The following SGIP1 variants were observed in gnomAD, a reference collection of about 807,000 sequenced individuals.
The protein encoded by SGIP1 is SH3GL interacting endocytic adaptor 1, also known as SH3-containing GRB2-like protein 3-interacting protein 1.
In SGIP1, 38 loss-of-function variants were observed where a neutral mutation model predicts 107.5. The ratio of observed to expected loss-of-function variants is 0.35; its 90% CI spans 0.27 to 0.46. The LOEUF is 0.46. Among genes scored for constraint, SGIP1 ranks in the 20% least tolerant of loss-of-function variants. The pLI is 1.00. For synonymous variants in SGIP1, 365 were observed against 366.1 expected, an observed-to-expected ratio of 1.00 and a Z score of 0.03; for missense variants, 929 against 1,019.5, an observed-to-expected ratio of 0.91 and a Z score of 1.21.
At chr1:66,631,073 AAGAAAG>A (rs1558136911) in intron 2 of SGIP1, among the ~76,000 whole-genome samples, 5 of 141,742 alleles carry the variant, frequency 3.5e-5, no homozygotes, top group Non-Finnish European at 1.6e-5. Flanking sequence ...GAAAGAAAGA[AAGAAAG>A]AAAGAAAGAA....
chr1:66,673,171 GCACA>G (rs1171240976), intron 11 of SGIP1, 106 bp from the exon 12 acceptor site: 47 of 1,060,446 alleles, frequency 4.4e-5, no homozygotes, highest in Admixed American at 1.0e-4. Flanking sequence ...ATGCACTGGT[GCACA>G]CACACACTTG....
intron 1 of SGIP1, among the ~76,000 whole-genome samples, chr1:66,544,375 T>A (rs950460104): frequency 6.6e-6 from 1 of 152,132 alleles, no homozygotes; most frequent in African/African-American, 2.4e-5. Context: ...TTCCCAAAGT[T>A]GAAATACAGG....
At chr1:66,558,422 C>T (rs1265949396) in intron 1 of SGIP1, among the ~76,000 whole-genome samples, 1 of 151,932 alleles carries the variant, frequency 6.6e-6, no homozygotes, top group African/African-American at 2.4e-5. Flanking sequence ...GAAGACTAAG[C>T]TAACCCACAA....
In SGIP1 at chr1:66,708,930, T is replaced by C. The variant is rs554621853; in HGVS notation, c.1631-10364T>C. Among the ~76,000 whole-genome samples the C allele has an allele frequency of 3.3e-5, 5 of 152,266 alleles. No individual in the cohort carries two copies. In the South Asian group the frequency reaches 1.0e-3, roughly 32 times the overall value. ...TACGCTATGAGAACTGACTTTCTTATTTATTTATGTATTTATTTTGGGCAT... is the reference window on the plus strand; with the variant it reads ...TACGCTATGAGAACTGACTTTCTTACTTATTTATGTATTTATTTTGGGCAT... On this transcript the variant is annotated intron_variant, in intron 18 of 24. Coordinates refer to ENST00000371037, the MANE Select transcript of SGIP1 (RefSeq NM_032291.4).
rs111579853 is a variant in SGIP1 at position 66,610,194 on chromosome 1, T to C, written c.11-15653T>C. On this transcript the variant is annotated intron_variant, in intron 1 of 24. Transcript: ENST00000371037. ...AGTGTAGAAGTAGATACAAAAACCA[T>C]ACTCAGAAAAACTAAAGCTACTCTA... is the stretch of plus-strand genomic sequence containing the variant. 9.4e-3 allele frequency among the ~76,000 whole-genome samples: 1,431 copies of C among 152,294 alleles called. 7 individuals carry two copies. Among genetic ancestry groups the C allele is most frequent in the Admixed American group, 0.02 (304 of 15,288 alleles).
chr1:66,660,591 A>T, intron 8 of SGIP1, 67 bp downstream of exon 8: 1 of 1,378,338 alleles, frequency 7.3e-7, no homozygotes, highest in Non-Finnish European at 1.0e-6. Flanking sequence ...CATTATCTGC[A>T]TATCTAATGA....
In SGIP1 at chr1:66,744,378, C is replaced by T. The variant is rs2094525525; in HGVS notation, c.*1283C>T. Reference sequence around the variant, plus strand: ...TAAAAACTGTAATTATTCAATCTGGCCCTGCCATATGAACATTTAGAAAGA... The same window carrying T: ...TAAAAACTGTAATTATTCAATCTGGTCCTGCCATATGAACATTTAGAAAGA... On this transcript the variant is annotated 3_prime_UTR_variant, in exon 25 of 25. Coordinates refer to ENST00000371037, the MANE Select transcript of SGIP1 (RefSeq NM_032291.4). 6.6e-6 allele frequency: 1 copy of T among 152,026 alleles called. No homozygotes were observed. The highest frequency in any genetic ancestry group is 1.9e-4 in the East Asian group (1 of 5,190). The allele number at this position is 152,026 out of a possible 1,614,324, so 9.4% of individuals were successfully genotyped here. A position where few individuals can be genotyped will look rare whatever the true frequency, so the allele number is the denominator to read the frequency against.
intron 19 of SGIP1, 71 bp downstream of exon 19, chr1:66,719,476 AC>A: frequency 8.4e-7 from 1 of 1,191,298 alleles, no homozygotes; most frequent in Non-Finnish European, 1.2e-6. Flanking sequence ...CCTAAATACA[AC>A]CTTTTCATTT....
At chr1:66,695,550 C>T (rs373580119) in intron 18 of SGIP1, 57 bp downstream of exon 18, 4 of 1,546,846 alleles carry the variant, frequency 2.6e-6, no homozygotes, top group South Asian at 2.3e-5. Context: ...TCCTTATTTC[C>T]CCATTTGCAT....
intron 13 of SGIP1, 145 bp downstream of exon 13, chr1:66,677,241 C>A (rs2085598561): frequency 1.6e-6 from 1 of 633,638 alleles, no homozygotes; most frequent in Non-Finnish European, 2.6e-6. Flanking sequence ...TTCTAACAGG[C>A]TTTCAAGTTA....
At chr1:66,605,010 A>G (rs145706030) in intron 1 of SGIP1, among the ~76,000 whole-genome samples, 224 of 152,282 alleles carry the variant, frequency 1.5e-3, no homozygotes, top group African/African-American at 5.1e-3. Context: ...CCTTATGTCT[A>G]GTCTTTGCTC....
rs1480181553 is a variant in SGIP1 at position 66,750,917 on chromosome 1, C to T, written c.*7822C>T. 6.6e-6 allele frequency among the ~76,000 whole-genome samples: 1 copy of T among 152,156 alleles called. No homozygotes were observed. Among genetic ancestry groups the T allele is most frequent in the Non-Finnish European group, 1.5e-5 (1 of 68,022 alleles). ...AGTTAGAAATAGTATGGATATCACT[C>T]TTTGTAAATAATAATTTTTGTAAAT... On this transcript the variant is annotated 3_prime_UTR_variant, in exon 25 of 25. Coordinates refer to ENST00000371037, the MANE Select transcript of SGIP1 (RefSeq NM_032291.4).
chr1:66,536,408 G>A (rs1349886701), intron 1 of SGIP1, among the ~76,000 whole-genome samples: 3 of 152,068 alleles, frequency 2.0e-5, no homozygotes, highest in South Asian at 4.2e-4. Context: ...TTAATAGTTC[G>A]GTGACCTTAG....
At chr1:66,644,526 G>A (rs1344505170) in intron 7 of SGIP1, among the ~76,000 whole-genome samples, 1 of 151,728 alleles carries the variant, frequency 6.6e-6, no homozygotes. Flanking sequence ...CTCTCAAACT[G>A]GCAGCTAATG....
intron 1 of SGIP1, among the ~76,000 whole-genome samples, chr1:66,549,238 C>A (rs1176250651): frequency 6.9e-6 from 1 of 145,140 alleles, no homozygotes; most frequent in African/African-American, 2.6e-5. Context: ...TTTCTTTTTT[C>A]TTCTTTTTTC....
chr1:66,667,270 A>G (rs558697265), intron 8 of SGIP1, among the ~76,000 whole-genome samples: 1 of 152,170 alleles, frequency 6.6e-6, no homozygotes, highest in South Asian at 2.1e-4. Context: ...CCTTGTTCTT[A>G]TGTACACATA....
rs2094523722 is a variant in SGIP1, at chr1:66,744,230, T to G, written c.*1135T>G. The stretch of plus-strand genomic sequence containing the variant: ...AAATGAAATTCTATTCACATTACTG[T>G]GTAATAAATTTCCTTTTGGATGATT... On this transcript the variant is annotated 3_prime_UTR_variant, in exon 25 of 25. Transcript: ENST00000371037. The G allele has an allele frequency of 6.6e-6, 1 of 152,220 alleles. No individual in the cohort carries two copies. Among genetic ancestry groups the G allele is most frequent in the Non-Finnish European group, 1.5e-5 (1 of 68,004 alleles). The allele number at this position is 152,220 out of a possible 1,614,324, so 9.4% of individuals were successfully genotyped here.
At chr1:66,667,186 C>CA (rs902704021) in intron 8 of SGIP1, among the ~76,000 whole-genome samples, 1 of 152,084 alleles carries the variant, frequency 6.6e-6, no homozygotes, top group Non-Finnish European at 1.5e-5. Flanking sequence ...AGTACCCCCC[C>CA]CCAAACTATC....
chr1:66,658,512 A>G (rs943017978), intron 7 of SGIP1, among the ~76,000 whole-genome samples: 1 of 152,176 alleles, frequency 6.6e-6, no homozygotes, highest in African/African-American at 2.4e-5. Context: ...CTTATTTCAG[A>G]CAACAATTTA....
Sources: allele counts gnomAD v4.1 joint callset (sites outside exome capture counted in the v4.1 genomes callset), GRCh38; gene constraint gnomAD v4.1.1; transcripts MANE v1.5; gene names NCBI Gene and HGNC (gene_info 2026-07-23, HGNC 2026-07-21).